Variants in TTC7B observed in about 807,000 individuals in gnomAD.
TTC7B encodes tetratricopeptide repeat domain 7B, also known as tetratricopeptide repeat protein 7B.
Under a neutral mutation model 106.8 loss-of-function variants are expected in TTC7B, and 28 were observed. That is an observed-to-expected ratio of 0.26 (90% CI 0.19 to 0.36). The LOEUF (loss-of-function observed/expected upper bound fraction) is 0.36. Among genes scored for constraint, TTC7B ranks in the 10% least tolerant of loss-of-function variants. TTC7B has a pLI of 1.00. For missense variants in TTC7B, 862 were observed against 1,076.4 expected, an observed-to-expected ratio of 0.80 and a Z score of 2.79; for synonymous variants, 405 against 430.6, an observed-to-expected ratio of 0.94 and a Z score of 0.74.
rs565000107 is a variant in TTC7B at position 90,573,639 on chromosome 14, C to A, written c.2310+4467G>T. Reference sequence around the variant, plus strand: ...TCCCTCTCTGGCTCATGGTCCCTTTCGGGCTCATGGTCCCTCTCTGGCTCA... The same window carrying A: ...TCCCTCTCTGGCTCATGGTCCCTTTAGGGCTCATGGTCCCTCTCTGGCTCA... On this transcript the variant is annotated intron_variant, in intron 19 of 19. Transcript: ENST00000328459. Among the ~76,000 whole-genome samples the A allele has an allele frequency of 7.3e-5, 11 of 151,108 alleles. No individual in the cohort carries two copies. In the South Asian group the frequency reaches 2.3e-3, roughly 32 times the overall value.
chr14:90,724,666 A>C (rs1361979342), intron 5 of TTC7B, among the ~76,000 whole-genome samples: 1 of 152,232 alleles, frequency 6.6e-6, no homozygotes, highest in Non-Finnish European at 1.5e-5. Context: ...CCTCCCCATA[A>C]GCCAAGCAGA....
At chr14:90,778,889 C>T (rs760646177) in intron 3 of TTC7B, among the ~76,000 whole-genome samples, 22 of 152,216 alleles carry the variant, frequency 1.4e-4, no homozygotes, top group Non-Finnish European at 2.9e-4. Context: ...AATATATCAC[C>T]CCCTTCACAA....
At chr14:90,685,231 G>A (rs969745083) in intron 7 of TTC7B, among the ~76,000 whole-genome samples, 1 of 152,190 alleles carries the variant, frequency 6.6e-6, no homozygotes, top group East Asian at 1.9e-4. Flanking sequence ...ATAAGAGACT[G>A]TGGAGAAGGA....
intron 18 of TTC7B, among the ~76,000 whole-genome samples, chr14:90,581,687 A>G (rs1174376658): frequency 6.6e-6 from 1 of 152,198 alleles, no homozygotes; most frequent in Non-Finnish European, 1.5e-5. Flanking sequence ...AGGCTGACAT[A>G]GGAGAGCAGG....
At chr14:90,703,713 G>T (rs908595349) in intron 5 of TTC7B, among the ~76,000 whole-genome samples, 1 of 152,234 alleles carries the variant, frequency 6.6e-6, no homozygotes, top group Non-Finnish European at 1.5e-5. Flanking sequence ...CAGGCCTCCA[G>T]TTCAAAACCA....
chr14:90,615,097 A>G (rs1370415087), intron 16 of TTC7B, among the ~76,000 whole-genome samples: 5 of 152,266 alleles, frequency 3.3e-5, no homozygotes, highest in African/African-American at 9.6e-5. Flanking sequence ...TTTTGCTCAC[A>G]GCAAGAGACG....
At chr14:90,801,830 G>T (rs1174448973) in intron 1 of TTC7B, among the ~76,000 whole-genome samples, 2 of 152,074 alleles carry the variant, frequency 1.3e-5, no homozygotes, top group Non-Finnish European at 2.9e-5. Flanking sequence ...CCAAGGGGAA[G>T]GGGGTGGATC....
rs183432509 is a variant in TTC7B at position 90,796,551 on chromosome 14, G to A, written c.122-10223C>T. ...GGGGCTGTGGCCTTTGCCTCTGGAA[G>A]GGACTGCCCTTCCTCCTAGTTCCTC... On this transcript the variant is annotated intron_variant, in intron 1 of 19. Coordinates refer to ENST00000328459, the MANE Select transcript of TTC7B (RefSeq NM_001010854.2). Among the ~76,000 whole-genome samples the A allele has an allele frequency of 1.1e-3, 173 of 152,316 alleles. 1 individual carries two copies. The highest frequency in any genetic ancestry group is 3.8e-3 in the African/African-American group (157 of 41,576).
rs530556070 is a variant in TTC7B, at chr14:90,575,560, G to T, written c.2310+2546C>A. ...GGGTCCATGGGCTGCCCCTCCACAGGCACCAGAGGGTCCTGCAGCACCAGT... is the reference window on the plus strand; with the variant it reads ...GGGTCCATGGGCTGCCCCTCCACAGTCACCAGAGGGTCCTGCAGCACCAGT... On this transcript the variant is annotated intron_variant, in intron 19 of 19. Coordinates refer to ENST00000328459, the MANE Select transcript of TTC7B (RefSeq NM_001010854.2). The surrounding 1 kb of genome is among the most constrained non-coding windows in gnomAD (Gnocchi z 5.2). Among the ~76,000 whole-genome samples, 4 of 152,312 alleles carry T rather than the reference G, an allele frequency of 2.6e-5. No individual in the cohort carries two copies. Among genetic ancestry groups the T allele is most frequent in the Admixed American group, 6.5e-5 (1 of 15,314 alleles).
Position 90,575,034 on chromosome 14 carries a change from A to C in TTC7B, c.2310+3072T>G, listed in dbSNP as rs528080208. ...TCGCCGCTCTCCCTGTGTGCCAGGC[A>C]ACTGTCAACGCTCAGCTCTGTTTCC... On this transcript the variant is annotated intron_variant, in intron 19 of 19. Coordinates refer to ENST00000328459, the MANE Select transcript of TTC7B (RefSeq NM_001010854.2). The surrounding 1 kb of genome is among the most constrained non-coding windows in gnomAD (Gnocchi z 5.2). 6.6e-6 allele frequency among the ~76,000 whole-genome samples: 1 copy of C among 152,170 alleles called. No homozygotes were observed. The highest frequency in any genetic ancestry group is 1.9e-4 in the East Asian group (1 of 5,162).
chr14:90,803,440 G>A (rs2030399529), intron 1 of TTC7B, among the ~76,000 whole-genome samples: 1 of 152,150 alleles, frequency 6.6e-6, no homozygotes, highest in Admixed American at 6.5e-5. Flanking sequence ...GGGGTGCCTG[G>A]GACACAGTCT....
At chr14:90,653,779 A>G (rs1885832876) in intron 12 of TTC7B, among the ~76,000 whole-genome samples, 1 of 152,204 alleles carries the variant, frequency 6.6e-6, no homozygotes, top group African/African-American at 2.4e-5. Flanking sequence ...ACAGCTAGAG[A>G]GAACCTCAGA....
intron 15 of TTC7B, among the ~76,000 whole-genome samples, chr14:90,626,298 G>T (rs948074861): frequency 6.6e-6 from 1 of 152,180 alleles, no homozygotes; most frequent in African/African-American, 2.4e-5. Flanking sequence ...CTTAAATTCA[G>T]TGAGAATTCT....
intron 1 of TTC7B, among the ~76,000 whole-genome samples, chr14:90,787,957 G>A (rs1891448941): frequency 6.6e-6 from 1 of 152,152 alleles, no homozygotes; most frequent in African/African-American, 2.4e-5. Context: ...GAGGTCAGGA[G>A]TTTGAGACCA....
intron 1 of TTC7B, among the ~76,000 whole-genome samples, chr14:90,787,842 C>T (rs139692011): frequency 3.9e-5 from 6 of 152,240 alleles, no homozygotes; most frequent in Non-Finnish European, 8.8e-5. Context: ...GTACTGAACT[C>T]AAGAACTCAT....
At chr14:90,566,790 T>G (rs1393952096) in intron 19 of TTC7B, among the ~76,000 whole-genome samples, 2 of 152,266 alleles carry the variant, frequency 1.3e-5, no homozygotes, top group East Asian at 3.9e-4. Context: ...GCTAAGGAGT[T>G]CTCTAAGGGC....
intron 5 of TTC7B, among the ~76,000 whole-genome samples, chr14:90,700,558 T>C (rs1887944177): frequency 6.6e-6 from 1 of 151,772 alleles, no homozygotes; most frequent in Non-Finnish European, 1.5e-5. Flanking sequence ...CACCATCTTA[T>C]ATTCCCAGAC....
intron 18 of TTC7B, among the ~76,000 whole-genome samples, chr14:90,584,527 GTCC>G (rs1891636517): frequency 1.3e-5 from 2 of 152,298 alleles, no homozygotes; most frequent in South Asian, 4.1e-4. Context: ...TCACAAAGTT[GTCC>G]TCCACTAGCC....
intron 5 of TTC7B, among the ~76,000 whole-genome samples, chr14:90,713,304 C>G (rs1415752416): frequency 6.6e-6 from 1 of 152,058 alleles, no homozygotes; most frequent in Non-Finnish European, 1.5e-5. Flanking sequence ...TTAGTAGAGA[C>G]AGGGTTTCAC....
Sources: allele counts gnomAD v4.1 joint callset (sites outside exome capture counted in the v4.1 genomes callset), GRCh38; gene constraint gnomAD v4.1.1; non-coding constraint Gnocchi (gnomAD v3.1); transcripts MANE v1.5; gene names NCBI Gene and HGNC (gene_info 2026-07-23, HGNC 2026-07-21).